The following ASTN2 variants were observed in gnomAD, a reference collection of about 807,000 sequenced individuals.
The protein encoded by ASTN2 is astrotactin-2.
ASTN2 carries 54 observed loss-of-function variants against 139.8 expected under a neutral mutation model. The ratio of observed to expected loss-of-function variants is 0.39; its 90% CI spans 0.31 to 0.48. ASTN2 has a LOEUF of 0.48. Among genes scored for constraint, ASTN2 ranks in the 20% least tolerant of loss-of-function variants. The pLI is 0.95. For synonymous variants in ASTN2, 756 were observed against 719.5 expected (o/e 1.05, Z -0.81); for missense variants, 1,565 against 1,725.1 (o/e 0.91, Z 1.64).
At chr9:116,647,304 G>T (rs1364006754) in intron 17 of ASTN2, among the ~76,000 whole-genome samples, 1 of 152,134 alleles carries the variant, frequency 6.6e-6, no homozygotes, top group Non-Finnish European at 1.5e-5. Context: ...ACTCTTCAGG[G>T]TATAACGCAG....
At chr9:116,469,986 C>A (rs1342350703) in intron 20 of ASTN2, among the ~76,000 whole-genome samples, 1 of 152,006 alleles carries the variant, frequency 6.6e-6, no homozygotes, top group Non-Finnish European at 1.5e-5. Context: ...GGCAGGATCA[C>A]CTGAGGTCAG....
intron 20 of ASTN2, among the ~76,000 whole-genome samples, chr9:116,461,723 C>A (rs1162015593): frequency 1.3e-5 from 2 of 151,442 alleles, no homozygotes; most frequent in Non-Finnish European, 1.5e-5. Context: ...AGTGTGGATC[C>A]CTGAGTGACT....
At chr9:116,961,993 T>A (rs577009152) in intron 10 of ASTN2, among the ~76,000 whole-genome samples, 1 of 152,332 alleles carries the variant, frequency 6.6e-6, no homozygotes, top group Non-Finnish European at 1.5e-5. Context: ...AATGAGGCAG[T>A]GGGATATGTT....
At chr9:117,003,530 GGTGTGTGT>G (rs11271769) in intron 7 of ASTN2, among the ~76,000 whole-genome samples, 1 of 103,188 alleles carries the variant, frequency 9.7e-6, no homozygotes, top group Non-Finnish European at 2.0e-5. Flanking sequence ...TCTAAAGAGT[GGTGTGTGT>G]GTGTGTGTGT....
chr9:116,536,066 C>T (rs10739467), intron 19 of ASTN2, among the ~76,000 whole-genome samples: 86,040 of 151,208 alleles, frequency 0.57, 25,285 homozygotes, highest in African/African-American at 0.72. Flanking sequence ...TTTTTATTCT[C>T]TTTTCTCTAA....
intron 19 of ASTN2, among the ~76,000 whole-genome samples, chr9:116,509,217 T>A (rs1850252888): frequency 6.6e-6 from 1 of 152,150 alleles, no homozygotes; most frequent in Non-Finnish European, 1.5e-5. Context: ...GCCCAAGTGT[T>A]CTCATTGTTC....
chr9:116,563,602 T>C (rs914479875), intron 19 of ASTN2, among the ~76,000 whole-genome samples: 4 of 152,252 alleles, frequency 2.6e-5, no homozygotes, highest in South Asian at 2.1e-4. Context: ...TGCTCCAACA[T>C]TGCCCTTTTC....
At chr9:116,767,575 G>C (rs1471429098) in intron 13 of ASTN2, among the ~76,000 whole-genome samples, 1 of 152,234 alleles carries the variant, frequency 6.6e-6, no homozygotes, top group East Asian at 1.9e-4. Flanking sequence ...GTGGCTGTGA[G>C]CTGAGCAGCT....
At chr9:116,482,285 C>T (rs1023819378) in intron 20 of ASTN2, among the ~76,000 whole-genome samples, 2 of 152,012 alleles carry the variant, frequency 1.3e-5, no homozygotes, top group Non-Finnish European at 2.9e-5. Flanking sequence ...AAGATTGCGC[C>T]CCTGCACTCC....
chr9:117,334,223 T>C (rs536062170), intron 1 of ASTN2, among the ~76,000 whole-genome samples: 1 of 152,128 alleles, frequency 6.6e-6, no homozygotes, highest in Non-Finnish European at 1.5e-5. Context: ...ACAGATCCTA[T>C]ACTCTTCTTT....
chr9:117,223,584 T>C (rs1362829152), intron 2 of ASTN2, among the ~76,000 whole-genome samples: 1 of 152,148 alleles, frequency 6.6e-6, no homozygotes, highest in Non-Finnish European at 1.5e-5. Context: ...TCTATCTACG[T>C]CTTATTTTTT....
chr9:116,851,028 G>T (rs1832584155), intron 11 of ASTN2, among the ~76,000 whole-genome samples: 1 of 152,090 alleles, frequency 6.6e-6, no homozygotes, highest in Admixed American at 6.6e-5. Context: ...CCCAGAAGAG[G>T]GTCTTACACA....
At chr9:116,694,524 C>T (rs184489068) in intron 16 of ASTN2, among the ~76,000 whole-genome samples, 9 of 127,666 alleles carry the variant, frequency 7.0e-5, no homozygotes, top group South Asian at 2.7e-4. Context: ...TGCAGTGGCG[C>T]GTCTCGGCTC....
intron 10 of ASTN2, among the ~76,000 whole-genome samples, chr9:116,901,090 TTGTGTGTG>T (rs59919446): frequency 6.7e-6 from 1 of 149,550 alleles, no homozygotes; most frequent in Non-Finnish European, 1.5e-5. Context: ...CGGCTACTGA[TTGTGTGTG>T]TGTGTGTGTG....
chr9:116,910,031 C>G (rs1403591946), intron 10 of ASTN2, among the ~76,000 whole-genome samples: 1 of 152,064 alleles, frequency 6.6e-6, no homozygotes, highest in Non-Finnish European at 1.5e-5. Flanking sequence ...CCAAAATAGG[C>G]ATGACCCAGT....
intron 2 of ASTN2, among the ~76,000 whole-genome samples, chr9:117,225,805 G>A (rs748251976): frequency 6.6e-6 from 1 of 151,716 alleles, no homozygotes; most frequent in Non-Finnish European, 1.5e-5. Flanking sequence ...CGGATAAGGT[G>A]ATATGTATAA....
intron 11 of ASTN2, among the ~76,000 whole-genome samples, chr9:116,843,518 G>A (rs1832331123): frequency 7.8e-6 from 1 of 128,510 alleles, no homozygotes; most frequent in Admixed American, 7.8e-5. Flanking sequence ...AATTAGCCAG[G>A]GGTGGTGGCG....
At chr9:116,444,594 TCCCATGA>T (rs1847931450) in intron 20 of ASTN2, among the ~76,000 whole-genome samples, 1 of 152,086 alleles carries the variant, frequency 6.6e-6, no homozygotes, top group South Asian at 2.1e-4. Flanking sequence ...AGCTTTGACT[TCCCATGA>T]CCTGAGGCCT....
chr9:117,227,236 T>C lies in ASTN2; in HGVS notation c.631-12494A>G, dbSNP rs902400705. 1.3e-5 allele frequency among the ~76,000 whole-genome samples: 2 copies of C among 152,230 alleles called. 1 individual carries two copies. The highest frequency in any genetic ancestry group is 1.3e-4 in the Admixed American group (2 of 15,288). On this transcript the variant is annotated intron_variant, in intron 2 of 22. Transcript: ENST00000313400. ...ACAGTGCTCTTCACCTTTGTCTCCA[T>C]CACCAGATCTCTATTTCCTTTCCTT...
Sources: allele counts gnomAD v4.1 joint callset (sites outside exome capture counted in the v4.1 genomes callset), GRCh38; gene constraint gnomAD v4.1.1; transcripts MANE v1.5; gene names NCBI Gene and HGNC (gene_info 2026-07-23, HGNC 2026-07-21).